STK38L: variants seen among roughly 807,000 people sequenced by gnomAD.
STK38L encodes the protein serine/threonine-protein kinase 38-like.
A neutral mutation model predicts 59.7 loss-of-function variants in STK38L; 28 were observed. The observed-to-expected ratio is 0.47, with a 90% CI of 0.35 to 0.64. STK38L has a LOEUF of 0.64. STK38L is among the 30% of genes least tolerant of loss of function. The pLI is 0.01. For synonymous variants in STK38L, 162 were observed against 176.8 expected, an observed-to-expected ratio of 0.92 and a Z score of 0.66; for missense variants, 314 against 555.8, an observed-to-expected ratio of 0.56 and a Z score of 4.37.
intron 3 of STK38L, among the ~76,000 whole-genome samples, chr12:27,306,439 T>C (rs1944314461): frequency 1.3e-5 from 2 of 152,166 alleles, no homozygotes; most frequent in African/African-American, 4.8e-5. Flanking sequence ...TCTTAAAATT[T>C]AAAATCAGAT....
chr12:27,250,945 G>A (rs1737913072), intron 1 of STK38L, among the ~76,000 whole-genome samples: 1 of 149,152 alleles, frequency 6.7e-6, no homozygotes, highest in South Asian at 2.1e-4. Flanking sequence ...CTTGCAGTGA[G>A]CTGAGACCAC....
chr12:27,255,247 A>C (rs556362247), intron 1 of STK38L, among the ~76,000 whole-genome samples: 1 of 152,226 alleles, frequency 6.6e-6, no homozygotes, highest in Non-Finnish European at 1.5e-5. Context: ...CTGCATTTTC[A>C]TACTAACCAA....
intron 1 of STK38L, among the ~76,000 whole-genome samples, chr12:27,268,351 G>A (rs1480155022): frequency 1.3e-5 from 2 of 150,978 alleles, no homozygotes; most frequent in Non-Finnish European, 2.9e-5. Context: ...TCCCACCTAT[G>A]AGTGAGAACA....
At chr12:27,314,963 G>C (rs1944550467) in intron 7 of STK38L, 52 bp from the exon 8 acceptor site, 9 of 1,392,674 alleles carry the variant, frequency 6.5e-6, no homozygotes, top group Non-Finnish European at 8.9e-6. Context: ...TTATAACAAG[G>C]CTTTTTGTTT....
At chr12:27,291,740 A>T (rs1943901553) in intron 1 of STK38L, among the ~76,000 whole-genome samples, 1 of 152,236 alleles carries the variant, frequency 6.6e-6, no homozygotes, top group Admixed American at 6.5e-5. Context: ...CTAGGGCATT[A>T]TGATTGCAAC....
rs1491012770 is a variant in STK38L at position 27,251,016 on chromosome 12, A to AAG, written c.-12+6684_-12+6685insAG. The stretch of plus-strand genomic sequence containing the variant: ...TGTCTCAAAAAAAAAAAAAAAAAAA[A>AAG]GAAATTGCTTCTTCAGATCAGGTTT... On this transcript the variant is annotated intron_variant, in intron 1 of 13. Coordinates refer to ENST00000389032, the MANE Select transcript of STK38L (RefSeq NM_015000.4). Among the ~76,000 whole-genome samples, 80 of 147,856 alleles carry AAG rather than the reference A, an allele frequency of 5.4e-4. No individual in the cohort carries two copies. The South Asian group carries it at 7.8e-3, about 14-fold the overall frequency.
At chr12:27,254,543 G>C (rs1943048234) in intron 1 of STK38L, among the ~76,000 whole-genome samples, 1 of 152,118 alleles carries the variant, frequency 6.6e-6, no homozygotes, top group Non-Finnish European at 1.5e-5. Flanking sequence ...ACTTTCTACA[G>C]TGGTTATTTT....
intron 1 of STK38L, among the ~76,000 whole-genome samples, chr12:27,250,464 T>G (rs1463963162): frequency 6.6e-6 from 1 of 152,204 alleles, no homozygotes; most frequent in African/African-American, 2.4e-5. Flanking sequence ...TCTTGATTCC[T>G]TTTTCTTTCT....
intron 1 of STK38L, 27 bp from the exon 2 acceptor site, chr12:27,297,674 TCCCACTGAA>T: frequency 6.4e-7 from 1 of 1,569,886 alleles, no homozygotes; most frequent in Non-Finnish European, 8.6e-7. Context: ...GGGTTTTTTT[TCCCACTGAA>T]TAATTTGTTT....
rs146717539 is a variant in STK38L, at chr12:27,307,967, A to G, written c.187-372A>G. On this transcript the variant is annotated intron_variant, in intron 3 of 13. Transcript: ENST00000389032. ...TAGTTGTGAAAGAGCAACCTTGGAA[A>G]TTAAGGAATTGAAGCAAAGCAGATT... Among the ~76,000 whole-genome samples the G allele has an allele frequency of 2.0e-4, 30 of 152,322 alleles. 1 individual carries two copies. The East Asian group carries it at 5.6e-3, about 28-fold the overall frequency.
chr12:27,289,358 A>G (rs1345993610), intron 1 of STK38L, among the ~76,000 whole-genome samples: 2 of 152,022 alleles, frequency 1.3e-5, no homozygotes, highest in African/African-American at 4.8e-5. Context: ...GCAAGTTTTA[A>G]AAAAAAATGA....
At chr12:27,280,157 T>G (rs1287842352) in intron 1 of STK38L, among the ~76,000 whole-genome samples, 2 of 152,212 alleles carry the variant, frequency 1.3e-5, no homozygotes, top group African/African-American at 2.4e-5. Context: ...GTTTCTAAAT[T>G]CTAAGATATA....
Position 27,297,859 on chromosome 12 carries a change from A to G in STK38L, c.134+5A>G, listed in dbSNP as rs1334954265. 1.2e-6 allele frequency: 2 copies of G among 1,613,478 alleles called. No homozygotes were observed. Among genetic ancestry groups the G allele is most frequent in the Non-Finnish European group, 1.7e-6 (2 of 1,179,904 alleles). On this transcript the variant is annotated splice_donor_5th_base_variant and intron_variant, in intron 2 of 13. Transcript: ENST00000389032. ...GCATGAAGAGAGAGAAACCAGGTAT[A>G]GTAAGGGCTAATCAAAACTTTTTTT...
intron 1 of STK38L, among the ~76,000 whole-genome samples, chr12:27,246,633 T>C (rs1448621456): frequency 6.6e-6 from 1 of 152,150 alleles, no homozygotes; most frequent in Non-Finnish European, 1.5e-5. Context: ...TTTTAAAAAA[T>C]TAAAAATCTG....
rs76720595 is a variant in STK38L at position 27,257,286 on chromosome 12, G to C, written c.-12+12954G>C. Among the ~76,000 whole-genome samples, 391 of 152,316 alleles carry C rather than the reference G, an allele frequency of 2.6e-3. 1 individual carries two copies. Among genetic ancestry groups the C allele is most frequent in the African/African-American group, 9.2e-3 (381 of 41,576 alleles). On this transcript the variant is annotated intron_variant, in intron 1 of 13. Transcript: ENST00000389032. Reference sequence around the variant, plus strand: ...GTCACTAAGTCAGGATAACCTGATGGAGAGTCTTTATAAGGATGCAGCTGT... The same window carrying C: ...GTCACTAAGTCAGGATAACCTGATGCAGAGTCTTTATAAGGATGCAGCTGT...
intron 6 of STK38L, among the ~76,000 whole-genome samples, chr12:27,313,462 A>G (rs765408931): frequency 1.3e-4 from 19 of 151,752 alleles, no homozygotes; most frequent in Non-Finnish European, 2.6e-4. Flanking sequence ...GCTCACTACA[A>G]CCTCTGCCTC....
intron 12 of STK38L, among the ~76,000 whole-genome samples, chr12:27,321,668 G>T (rs1007551503): frequency 1.2e-4 from 18 of 152,252 alleles, no homozygotes; most frequent in Non-Finnish European, 1.9e-4. Flanking sequence ...TGGCAAGTAG[G>T]TGGAGATGCT....
In STK38L at chr12:27,315,074, T is replaced by G. The variant is rs1944553382; in HGVS notation, c.732T>G (p.Thr244=). 1 of 1,613,604 alleles carries G rather than the reference T, an allele frequency of 6.2e-7. No homozygotes were observed. Among genetic ancestry groups the G allele is most frequent in the African/African-American group, 1.3e-5 (1 of 74,922 alleles). ...CGGGATTAAAGAAAGCTCACAGGAC[T>G]GAATTTTATAGAAATCTCACACACA... The part of the protein sequence containing the change: ...LCTGLKKAHR[T]EFYRNLTHNP... Residue 244 remains threonine, a synonymous_variant, in exon 8 of 14, where the codon ACT becomes ACG. Transcript: ENST00000389032.
chr12:27,304,579 T>A (rs1349258417), intron 3 of STK38L, among the ~76,000 whole-genome samples: 1 of 152,176 alleles, frequency 6.6e-6, no homozygotes, highest in Non-Finnish European at 1.5e-5. Context: ...GTGATTTAAA[T>A]CTGTATTCCA....
Sources: gnomAD v4.1 joint callset for allele counts (sites outside exome capture counted in the v4.1 genomes callset) on GRCh38, gnomAD v4.1.1 for gene constraint, MANE v1.5 for transcripts, NCBI Gene and HGNC (gene_info 2026-07-23, HGNC 2026-07-21) for gene names.